Variants in SLIT3 observed in about 807,000 individuals in gnomAD.
The protein encoded by SLIT3 is slit homolog 3 protein.
A neutral mutation model predicts 184.0 loss-of-function variants in SLIT3; 68 were observed. That is an observed-to-expected ratio of 0.37 (90% CI 0.30 to 0.45). The LOEUF is 0.45. SLIT3 is among the 20% of genes least tolerant of loss of function. SLIT3 has a pLI of 1.00. For synonymous variants in SLIT3, 831 were observed against 828.6 expected (o/e 1.00, Z -0.05); for missense variants, 1,707 against 2,026.0 (o/e 0.84, Z 3.02).
rs1432341382 is a variant in SLIT3, at chr5:168,664,534, G to A, written c.*1920C>T. On this transcript the variant is annotated 3_prime_UTR_variant, in exon 36 of 36. Transcript: ENST00000519560. ...CTTCTTTCCTTCCTTCCTTCTTCCA[G>A]TTGCCTCGTTTTCCTCCATCTTCCT... 2 of 151,462 alleles carry A rather than the reference G, an allele frequency of 1.3e-5. No individual in the cohort carries two copies. Among genetic ancestry groups the A allele is most frequent in the Non-Finnish European group, 2.9e-5 (2 of 67,970 alleles). 9.4% of individuals were successfully genotyped at this position (151,462 alleles called of 1,614,324 possible).
chr5:169,260,154 T>TAA (rs540605985), intron 1 of SLIT3, among the ~76,000 whole-genome samples: 113 of 147,670 alleles, frequency 7.7e-4, no homozygotes, highest in African/African-American at 2.7e-3. Flanking sequence ...TAAACAACTT[T>TAA]AAAAAAAAAA....
rs147647520 is a variant in SLIT3 at position 168,918,949 on chromosome 5, A to G, written c.414-35613T>C. On this transcript the variant is annotated intron_variant, in intron 4 of 35. Transcript: ENST00000519560. ...AATGTTCATGCCCTTTGCCCCAGAC[A>G]TTCCACTTCTGGAGATTTTATCCTA... Among the ~76,000 whole-genome samples the G allele has an allele frequency of 6.2e-4, 95 of 152,310 alleles. No individual in the cohort carries two copies. The East Asian group carries it at 9.3e-3, about 15-fold the overall frequency.
rs751210496 is a variant in SLIT3 at position 168,669,924 on chromosome 5, C to T, written c.4195G>A (p.Gly1399Arg). 3 of 1,614,074 alleles carry T rather than the reference C, an allele frequency of 1.9e-6. No homozygotes were observed. The African/African-American group carries it at 4.0e-5, about 22-fold the overall frequency. ...TCATTCTTGTTGTCACACAAGTCCC[C>T]TCCATAGCCCTCGGCACACTTGCAC... ...YMCKCAEGYG[G>R]DLCDNKNDSA... Residue 1399 changes from glycine to arginine, a missense_variant, in exon 35 of 36, where the codon GGG becomes AGG. By Grantham distance (125) the Gly-to-Arg change is moderately radical (BLOSUM62 -2). Coordinates refer to ENST00000519560, the MANE Select transcript of SLIT3 (RefSeq NM_003062.4).
chr5:168,757,473 C>A (rs766754078), intron 16 of SLIT3, among the ~76,000 whole-genome samples: 1 of 152,156 alleles, frequency 6.6e-6, no homozygotes, highest in African/African-American at 2.4e-5. Context: ...TCACTCTGTC[C>A]CCCAAGCTAG....
chr5:168,819,638 G>A (rs770059994), intron 7 of SLIT3, among the ~76,000 whole-genome samples: 36 of 152,246 alleles, frequency 2.4e-4, no homozygotes, highest in Non-Finnish European at 4.4e-4. Flanking sequence ...TCAAGGGTAA[G>A]AGATCAATGG....
intron 7 of SLIT3, among the ~76,000 whole-genome samples, chr5:168,821,071 G>T (rs1757513887): frequency 1.3e-5 from 2 of 152,156 alleles, no homozygotes; most frequent in Admixed American, 1.3e-4. Flanking sequence ...ATGGCAGCAG[G>T]CAGGGAGCAA....
chr5:168,696,301 T>A lies in SLIT3; in HGVS notation c.3073A>T (p.Asn1025Tyr), dbSNP rs761513925. The A allele has an allele frequency of 1.9e-6, 3 of 1,614,152 alleles. No homozygotes were observed. The highest frequency in any genetic ancestry group is 2.5e-6 in the Non-Finnish European group (3 of 1,180,020). ...GTCATGAGATCCTTACCTGTGTAGTTAGGCGGACAGATACACACGTAGTTG... is the reference window on the plus strand; with the variant it reads ...GTCATGAGATCCTTACCTGTGTAGTAAGGCGGACAGATACACACGTAGTTG... ...INNYVCICPP[N>Y]YTGELCDEVI... Residue 1025 changes from asparagine (N) to tyrosine (Y), a missense_variant, in exon 28 of 36, where the codon AAC becomes TAC. Transcript: ENST00000519560.
intron 4 of SLIT3, among the ~76,000 whole-genome samples, chr5:168,984,605 T>C (rs780871589): frequency 1.6e-4 from 24 of 152,318 alleles, no homozygotes; most frequent in Non-Finnish European, 2.5e-4. Context: ...TAATGACCTC[T>C]TGCTGTGAAA....
chr5:168,836,442 C>G (rs1009212890), intron 6 of SLIT3, among the ~76,000 whole-genome samples: 1 of 152,194 alleles, frequency 6.6e-6, no homozygotes, highest in East Asian at 1.9e-4. Context: ...CACAGAAGCC[C>G]GGTCTTAGGA....
intron 5 of SLIT3, 75 bp downstream of exon 5, chr5:168,883,190 C>T: frequency 1.7e-6 from 2 of 1,200,658 alleles, no homozygotes; most frequent in African/African-American, 1.5e-5. Context: ...CCTCTTGTCC[C>T]ATCCCTCACC....
chr5:169,022,244 A>AT (rs778834971), intron 4 of SLIT3: 11 of 152,186 alleles, frequency 7.2e-5, no homozygotes, highest in Non-Finnish European at 1.2e-4. Flanking sequence ...TAAAAGGATG[A>AT]TTTTTTGTGC....
chr5:168,684,419 G>A (rs930336632), intron 31 of SLIT3, among the ~76,000 whole-genome samples: 11 of 152,128 alleles, frequency 7.2e-5, no homozygotes, highest in Non-Finnish European at 1.3e-4. Context: ...ACATGATCCC[G>A]CCCAAGTTCA....
intron 4 of SLIT3, among the ~76,000 whole-genome samples, chr5:169,181,176 T>G (rs1195038151): frequency 6.6e-6 from 1 of 152,248 alleles, no homozygotes; most frequent in East Asian, 1.9e-4. Flanking sequence ...TTGAGCTAAT[T>G]TAATAGTCAA....
At chr5:169,056,190 C>A (rs1757997094) in intron 4 of SLIT3, among the ~76,000 whole-genome samples, 1 of 152,112 alleles carries the variant, frequency 6.6e-6, no homozygotes, top group Non-Finnish European at 1.5e-5. Flanking sequence ...AGGGAGGTCT[C>A]AGTAGGTTTG....
chr5:169,190,294 T>G (rs1763509442), intron 4 of SLIT3, among the ~76,000 whole-genome samples: 1 of 152,222 alleles, frequency 6.6e-6, no homozygotes, highest in African/African-American at 2.4e-5. Context: ...ATTTTGAGTC[T>G]TTTGCATTAG....
chr5:168,886,080 C>T (rs1460685474), intron 4 of SLIT3, among the ~76,000 whole-genome samples: 1 of 152,232 alleles, frequency 6.6e-6, no homozygotes, highest in African/African-American at 2.4e-5. Context: ...CCTGTCACTG[C>T]TTTCCTCCTG....
At chr5:168,786,405 T>C (rs1213833569) in intron 11 of SLIT3, among the ~76,000 whole-genome samples, 1 of 152,176 alleles carries the variant, frequency 6.6e-6, no homozygotes, top group South Asian at 2.1e-4. Flanking sequence ...TCCCTTTGCA[T>C]CTTAGGAATT....
chr5:169,066,843 A>C (rs1411871841), intron 4 of SLIT3, among the ~76,000 whole-genome samples: 1 of 152,034 alleles, frequency 6.6e-6, no homozygotes, highest in Admixed American at 6.6e-5. Context: ...ATAATGACCT[A>C]CTTGGCTGAA....
intron 32 of SLIT3, among the ~76,000 whole-genome samples, chr5:168,673,905 A>AT (rs11428584): frequency 0.31 from 47,269 of 151,980 alleles, 7,991 homozygotes; most frequent in African/African-American, 0.44. Context: ...CACCTTCTCA[A>AT]TCCTGCTCTA....
Sources: allele counts gnomAD v4.1 joint callset (sites outside exome capture counted in the v4.1 genomes callset), GRCh38; gene constraint gnomAD v4.1.1; transcripts MANE v1.5; gene names NCBI Gene and HGNC (gene_info 2026-07-23, HGNC 2026-07-21).